Variants in PTBP3 observed in about 807,000 individuals in gnomAD.
PTBP3 encodes the protein polypyrimidine tract-binding protein 3.
A neutral mutation model predicts 58.7 loss-of-function variants in PTBP3; 20 were observed. The observed-to-expected ratio is 0.34, with a 90% CI of 0.24 to 0.50. The LOEUF is 0.50. PTBP3 is among the 20% of genes least tolerant of loss of function. The probability of loss-of-function intolerance (pLI) is 0.98; values close to 1 mark genes in which losing one functional copy is unlikely to be tolerated. For missense variants in PTBP3, 509 were observed against 637.2 expected (o/e 0.80, Z 2.17); for synonymous variants, 185 against 219.8 (o/e 0.84, Z 1.40).
intron 12 of PTBP3, among the ~76,000 whole-genome samples, chr9:112,224,621 C>G (rs1834913730): frequency 6.6e-6 from 1 of 152,142 alleles, no homozygotes; most frequent in African/African-American, 2.4e-5. Context: ...CAGGGTAATT[C>G]TGAATGTGTG....
At chr9:112,320,314 A>ATATATATATATATATATATTTTTTTT in intron 1 of PTBP3, among the ~76,000 whole-genome samples, 1 of 75,726 alleles carries the variant, frequency 1.3e-5, no homozygotes, top group Non-Finnish European at 2.3e-5. Flanking sequence ...ATATATATAT[A>ATATATATATATATATATATTTTTTTT]TTTTTTTTTA....
Position 112,221,895 on chromosome 9 carries a change from T to G in PTBP3, c.*1956A>C. 1.2e-5 allele frequency: 12 copies of G among 982,070 alleles called. No individual in the cohort carries two copies. Among genetic ancestry groups the G allele is most frequent in the Non-Finnish European group, 1.5e-5 (12 of 826,856 alleles). The allele number at this position is 982,070 out of a possible 1,614,324, so 60.8% of individuals were successfully genotyped here. On this transcript the variant is annotated 3_prime_UTR_variant, in exon 14 of 14. Coordinates refer to ENST00000374257, the MANE Select transcript of PTBP3 (RefSeq NM_001163788.4). The stretch of plus-strand genomic sequence containing the variant: ...AATCACTGGAATACAGCAAAGAGAT[T>G]GAGATTTTCTTAATTTTTACTTTTA...
chr9:112,335,871 G>A (rs558821238), upstream of PTBP3, among the ~76,000 whole-genome samples: 10 of 144,616 alleles, frequency 6.9e-5, no homozygotes, highest in East Asian at 1.2e-3. Flanking sequence ...GCAGTGAGCC[G>A]AGATCACACC....
intron 5 of PTBP3, among the ~76,000 whole-genome samples, chr9:112,261,543 C>T (rs1836596479): frequency 2.6e-5 from 4 of 152,134 alleles, no homozygotes; most frequent in Admixed American, 1.3e-4. Context: ...AAAGGCATGA[C>T]TCTGTCAAAT....
intron 1 of PTBP3, among the ~76,000 whole-genome samples, chr9:112,325,599 TAA>T (rs56025050): frequency 6.2e-5 from 9 of 144,486 alleles, no homozygotes; most frequent in Non-Finnish European, 1.2e-4. Context: ...TCACAGAAAT[TAA>T]AAAAAAAAAA....
intron 1 of PTBP3, among the ~76,000 whole-genome samples, chr9:112,318,999 T>A (rs1454176374): frequency 6.6e-6 from 1 of 151,230 alleles, no homozygotes; most frequent in Non-Finnish European, 1.5e-5. Flanking sequence ...TGGTGACACA[T>A]GCCTGTAATC....
chr9:112,320,299 T>A (rs1282054945), intron 1 of PTBP3, among the ~76,000 whole-genome samples: 3 of 50,966 alleles, frequency 5.9e-5, no homozygotes, highest in African/African-American at 4.5e-4. Context: ...AAAATATATA[T>A]ATATATATAT....
intron 2 of PTBP3, among the ~76,000 whole-genome samples, chr9:112,277,579 C>T (rs191484367): frequency 9.2e-5 from 14 of 151,818 alleles, no homozygotes; most frequent in East Asian, 1.9e-4. Context: ...GTATCAGGCC[C>T]GGCACAGTGA....
At chr9:112,322,175 T>C (rs1283631039) in intron 1 of PTBP3, among the ~76,000 whole-genome samples, 2 of 148,214 alleles carry the variant, frequency 1.3e-5, no homozygotes, top group Non-Finnish European at 3.0e-5. Context: ...CTTTCCAGTC[T>C]CTAGCAGGAG....
intron 1 of PTBP3, among the ~76,000 whole-genome samples, chr9:112,330,224 T>C (rs1302564190): frequency 2.6e-5 from 4 of 152,224 alleles, no homozygotes; most frequent in African/African-American, 7.2e-5. Flanking sequence ...AGTGAAACTT[T>C]GGGCTAAATT....
intron 5 of PTBP3, among the ~76,000 whole-genome samples, chr9:112,259,898 C>T (rs927634422): frequency 1.3e-5 from 2 of 152,188 alleles, no homozygotes; most frequent in Admixed American, 1.3e-4. Flanking sequence ...TTACATTGCT[C>T]TTTACTAGCA....
chr9:112,369,976 C>A, the PTBP3 span, among the ~76,000 whole-genome samples: 2 of 152,232 alleles, frequency 1.3e-5, no homozygotes, highest in Non-Finnish European at 2.9e-5. Context: ...TGCACACACA[C>A]TCTTGCCTGC....
intron 3 of PTBP3, among the ~76,000 whole-genome samples, chr9:112,275,071 A>T (rs925319290): frequency 6.6e-6 from 1 of 152,218 alleles, no homozygotes; most frequent in South Asian, 2.1e-4. Context: ...CTAGAATCAC[A>T]AATAGAAGCC....
At chr9:112,256,305 A>T (rs1268749272) in intron 5 of PTBP3, among the ~76,000 whole-genome samples, 1 of 65,730 alleles carries the variant, frequency 1.5e-5, no homozygotes, top group South Asian at 3.6e-4. Context: ...ATATATATAT[A>T]TATATTTATC....
At chr9:112,356,662 C>A in the PTBP3 span, among the ~76,000 whole-genome samples, 2 of 151,596 alleles carry the variant, frequency 1.3e-5, no homozygotes, top group Non-Finnish European at 2.9e-5. Context: ...CAATTGTCTA[C>A]TGAGGGAATT....
At chr9:112,330,388 A>T in intron 1 of PTBP3, 1 of 1,336,956 alleles carries the variant, frequency 7.5e-7, no homozygotes, top group Non-Finnish European at 1.1e-6. Flanking sequence ...TGAGACTGAA[A>T]ATATGCCAAA....
chr9:112,322,604 C>T (rs759949154), intron 1 of PTBP3, among the ~76,000 whole-genome samples: 2 of 152,198 alleles, frequency 1.3e-5, no homozygotes, highest in African/African-American at 2.4e-5. Flanking sequence ...AGGCCTTTTA[C>T]CTCAGTTCCT....
intron 7 of PTBP3, among the ~76,000 whole-genome samples, chr9:112,237,347 T>C (rs749628418): frequency 2.0e-5 from 3 of 152,146 alleles, no homozygotes; most frequent in African/African-American, 7.2e-5. Flanking sequence ...CACAAACCTT[T>C]AAGAAAAATG....
chr9:112,332,667 A>T, intron 1 of PTBP3: 1 of 1,257,146 alleles, frequency 8.0e-7, no homozygotes, highest in Non-Finnish European at 1.1e-6. Flanking sequence ...CTGAGTCCCC[A>T]GAGAACAGTT....
Sources: gnomAD v4.1 joint callset for allele counts (sites outside exome capture counted in the v4.1 genomes callset) on GRCh38, gnomAD v4.1.1 for gene constraint, MANE v1.5 for transcripts, NCBI Gene and HGNC (gene_info 2026-07-23, HGNC 2026-07-21) for gene names.